METTL21C: variants seen among roughly 807,000 people sequenced by gnomAD.
METTL21C encodes the protein methyltransferase 21C, AARS1 lysine.
A neutral mutation model predicts 25.9 loss-of-function variants in METTL21C; 21 were observed. That is an observed-to-expected ratio of 0.81 (90% CI 0.58 to 1.17). METTL21C has a LOEUF of 1.17. Among genes scored for constraint, METTL21C ranks in the 50% most tolerant of loss-of-function variants. The pLI, the probability that METTL21C is intolerant of heterozygous loss-of-function variation, is 0.00. For synonymous variants in METTL21C, 125 were observed against 124.7 expected (o/e 1.00, Z -0.01); for missense variants, 312 against 315.1 (o/e 0.99, Z 0.07).
At chr13:102,690,049 G>T (rs1885786329) in intron 2 of METTL21C, among the ~76,000 whole-genome samples, 1 of 152,124 alleles carries the variant, frequency 6.6e-6, no homozygotes, top group African/African-American at 2.4e-5. Flanking sequence ...ATCCTCTCAG[G>T]GCTGTGGCAG....
intron 1 of METTL21C, among the ~76,000 whole-genome samples, chr13:102,691,323 A>G (rs1169547943): frequency 6.6e-6 from 1 of 151,316 alleles, no homozygotes. Context: ...CTGGATACAG[A>G]GGAACTAGGT....
At chr13:102,701,635 G>A in the METTL21C span, among the ~76,000 whole-genome samples, 7 of 152,100 alleles carry the variant, frequency 4.6e-5, no homozygotes, top group African/African-American at 1.7e-4. Context: ...ATGTGCGTGT[G>A]TGTGCATGCA....
the METTL21C span, among the ~76,000 whole-genome samples, chr13:102,703,914 C>T: frequency 3.9e-5 from 6 of 152,186 alleles, no homozygotes; most frequent in Admixed American, 1.3e-4. Flanking sequence ...CTTCCCTATT[C>T]ACTGTGGATC....
At chr13:102,703,662 C>A in the METTL21C span, among the ~76,000 whole-genome samples, 1 of 152,150 alleles carries the variant, frequency 6.6e-6, no homozygotes, top group Admixed American at 6.5e-5. Context: ...GGAACCACGG[C>A]AGTGAGGTTT....
At chr13:102,686,460 C>G (rs762334646) in intron 3 of METTL21C, 35 bp from the exon 4 acceptor site, 5 of 1,579,752 alleles carry the variant, frequency 3.2e-6, no homozygotes, top group Non-Finnish European at 4.3e-6. Flanking sequence ...CTGGAAACAT[C>G]TGGGCAGTCA....
chr13:102,686,924 G>A lies in METTL21C; in HGVS notation c.400+16C>T, dbSNP rs369195582. ...AGTAAAGATCTGGATACTAGGTCAG[G>A]AATAAACAAACAAACCTAAAATACT... On this transcript the variant is annotated intron_variant, in intron 3 of 3. Transcript: ENST00000267273. 1 of 1,583,946 alleles carries A rather than the reference G, an allele frequency of 6.3e-7. No individual in the cohort carries two copies. Among genetic ancestry groups the A allele is most frequent in the African/African-American group, 1.3e-5 (1 of 74,222 alleles).
At chr13:102,700,927 G>T in the METTL21C span, among the ~76,000 whole-genome samples, 64 of 151,918 alleles carry the variant, frequency 4.2e-4, no homozygotes, top group Admixed American at 2.0e-3. Flanking sequence ...CCGCTGCTTG[G>T]ACATGACACT....
Position 102,694,635 on chromosome 13 carries a change from T to A in METTL21C, c.-137A>T, listed in dbSNP as rs1885911709. 4.1e-6 allele frequency: 1 copy of A among 242,664 alleles called. No homozygotes were observed. Among genetic ancestry groups the A allele is most frequent in the Non-Finnish European group, 6.9e-6 (1 of 145,196 alleles). 15.0% of individuals were successfully genotyped at this position (242,664 alleles called of 1,614,324 possible). ...TTCGTAATTAATACAGAATTGGAAA[T>A]GACTCCTTGTTAGTATGCCCAAAAT... On this transcript the variant is annotated 5_prime_UTR_variant, in exon 1 of 4. Transcript: ENST00000267273.
Position 102,685,942 on chromosome 13 carries a change from C to G in METTL21C, c.*89G>C. The G allele has an allele frequency of 7.3e-7, 1 of 1,367,448 alleles. No homozygotes were observed. The highest frequency in any genetic ancestry group is 9.9e-7 in the Non-Finnish European group (1 of 1,010,292). The allele number at this position is 1,367,448 out of a possible 1,614,324, so 84.7% of individuals were successfully genotyped here. A position where few individuals can be genotyped will look rare whatever the true frequency, so the allele number is the denominator to read the frequency against. On this transcript the variant is annotated 3_prime_UTR_variant, in exon 4 of 4. Transcript: ENST00000267273. ...AAGTTGTTTCTATGCACTACCTTCTCAATCCTGTGAAAGAAGTCTATTACC... is the reference window on the plus strand; with the variant it reads ...AAGTTGTTTCTATGCACTACCTTCTGAATCCTGTGAAAGAAGTCTATTACC...
chr13:102,686,942 A>G lies in METTL21C; in HGVS notation c.398T>C (p.Leu133Ser). 1 of 1,612,522 alleles carries G rather than the reference A, an allele frequency of 6.2e-7. No homozygotes were observed. The highest frequency in any genetic ancestry group is 8.5e-7 in the Non-Finnish European group (1 of 1,178,494). The change falls in exon 3 of 4, where the codon TTA becomes TCA. Residue 133 changes from leucine (L) to serine (S), a missense_variant and splice_region_variant. Physicochemically the swap from Leu to Ser is moderately radical, Grantham distance 145. Transcript: ENST00000267273. The part of the protein sequence containing the change: ...PGLVSIVASI[L>S]GAQVTATDLP... ...AGGTCAGGAATAAACAAACAAACCTAAAATACTGGCCACAATGGAAACAAG... is the reference window on the plus strand; with the variant it reads ...AGGTCAGGAATAAACAAACAAACCTGAAATACTGGCCACAATGGAAACAAG...
Position 102,686,123 on chromosome 13 carries a change from C to T in METTL21C, c.703G>A (p.Asp235Asn). The T allele has an allele frequency of 6.2e-7, 1 of 1,614,032 alleles. No homozygotes were observed. The highest frequency in any genetic ancestry group is 8.5e-7 in the Non-Finnish European group (1 of 1,179,912). The change falls in exon 4 of 4, where the codon GAT (aspartate) becomes AAT (asparagine). Residue 235 changes from aspartate to asparagine, a missense_variant. Transcript: ENST00000267273. ...GTGTCAAAAACTTGCTTGAATTTAT[C>T]TAAAAATTCATAGTCGGTGCTGAAC... ...FRFSTDYEFL[D>N]KFKQVFDTTL...
At chr13:102,689,685 G>C (rs146170892) in intron 2 of METTL21C, among the ~76,000 whole-genome samples, 207 of 152,324 alleles carry the variant, frequency 1.4e-3, no homozygotes, top group African/African-American at 4.6e-3. Context: ...AACCACACTG[G>C]CTCTGAGGGC....
chr13:102,702,163 C>CA, the METTL21C span, among the ~76,000 whole-genome samples: 1,760 of 120,162 alleles, frequency 0.015, 28 homozygotes, highest in African/African-American at 0.045. Flanking sequence ...GACTCTGCCT[C>CA]AAAAAAAAAA....
At chr13:102,696,712 C>T (rs1207719151), upstream of METTL21C, among the ~76,000 whole-genome samples, 3 of 152,084 alleles carry the variant, frequency 2.0e-5, no homozygotes, top group Non-Finnish European at 2.9e-5. Context: ...CTTTAACATG[C>T]GTCAACTCCA....
rs754120319 is a variant in METTL21C at position 102,686,473 on chromosome 13, G to A, written c.401-48C>T. 3 of 1,561,858 alleles carry A rather than the reference G, an allele frequency of 1.9e-6. No individual in the cohort carries two copies. In the Admixed American group the frequency reaches 5.6e-5, roughly 29 times the overall value. The stretch of plus-strand genomic sequence containing the variant: ...ACCTGGAAACATCTGGGCAGTCACA[G>A]TGTACATATACCCAGGGAGAAACAC... On this transcript the variant is annotated intron_variant, in intron 3 of 3. Coordinates refer to ENST00000267273, the MANE Select transcript of METTL21C (RefSeq NM_001010977.3).
In METTL21C at chr13:102,690,292, G is replaced by A. The variant is rs144800972; in HGVS notation, c.282+521C>T. 5.8e-3 allele frequency among the ~76,000 whole-genome samples: 888 copies of A among 152,052 alleles called. 8 individuals carry two copies. The highest frequency in any genetic ancestry group is 0.019 in the African/African-American group (802 of 41,454). On this transcript the variant is annotated intron_variant, in intron 2 of 3. Coordinates refer to ENST00000267273, the MANE Select transcript of METTL21C (RefSeq NM_001010977.3). ...AAAAATTAGCCAGGCATGGTGGCGC[G>A]CACCTGTAGTCCCAGCTACTCGGGA...
At chr13:102,702,633 G>A in the METTL21C span, among the ~76,000 whole-genome samples, 1 of 151,952 alleles carries the variant, frequency 6.6e-6, no homozygotes, top group East Asian at 1.9e-4. Context: ...TGTTGCCCAG[G>A]CTGGAGTGCA....
chr13:102,696,409 A>T (rs1295398978), upstream of METTL21C, among the ~76,000 whole-genome samples: 1 of 152,090 alleles, frequency 6.6e-6, no homozygotes, highest in Non-Finnish European at 1.5e-5. Flanking sequence ...AGAAATACCT[A>T]ATGTAGATGA....
At chr13:102,700,260 C>T in the METTL21C span, among the ~76,000 whole-genome samples, 1 of 152,194 alleles carries the variant, frequency 6.6e-6, no homozygotes, top group Non-Finnish European at 1.5e-5. Flanking sequence ...GCCTGGCTGT[C>T]CATAAATCAC....
Sources: allele counts gnomAD v4.1 joint callset (sites outside exome capture counted in the v4.1 genomes callset), GRCh38; gene constraint gnomAD v4.1.1; transcripts MANE v1.5; gene names NCBI Gene and HGNC (gene_info 2026-07-23, HGNC 2026-07-21).